LNX1: variants seen among roughly 807,000 people sequenced by gnomAD.
LNX1 encodes the protein E3 ubiquitin-protein ligase LNX.
Under a neutral mutation model 68.4 loss-of-function variants are expected in LNX1, and 54 were observed. The ratio of observed to expected loss-of-function variants is 0.79; its 90% CI spans 0.63 to 0.99. The LOEUF (loss-of-function observed/expected upper bound fraction) is 0.99. Ranked by LOEUF, LNX1 falls within the 50% of genes least tolerant of loss-of-function variation. The pLI is 0.00. For missense variants in LNX1, 906 were observed against 926.4 expected (o/e 0.98, Z 0.29); for synonymous variants, 336 against 350.0 (o/e 0.96, Z 0.45).
intron 1 of LNX1, among the ~76,000 whole-genome samples, chr4:53,626,348 T>G (rs2668519): frequency 0.33 from 50,199 of 152,026 alleles, 8,619 homozygotes; most frequent in Admixed American, 0.38. Flanking sequence ...ATATAATAAA[T>G]ATACTACAAA....
At position 53,573,613 on chromosome 4, in the gene LNX1, G is replaced by A. The variant is rs762608313; in HGVS notation, c.380+10C>T. 6.3e-7 allele frequency: 1 copy of A among 1,592,102 alleles called. No individual in the cohort carries two copies. The highest frequency in any genetic ancestry group is 1.1e-5 in the South Asian group (1 of 87,410). On this transcript the variant is annotated intron_variant, in intron 2 of 10. Transcript: ENST00000263925. ...GGTGGGACTTACCGGCTCGCTGATG[G>A]GGGACCTACCTGGTTTGAAAGTGAT...
At chr4:53,646,363 C>T (rs2109892125) in intron 1 of LNX1, among the ~76,000 whole-genome samples, 1 of 152,318 alleles carries the variant, frequency 6.6e-6, no homozygotes, top group East Asian at 1.9e-4. Flanking sequence ...GCTCCCCCAC[C>T]CCATTCTCAG....
intron 1 of LNX1, among the ~76,000 whole-genome samples, chr4:53,648,818 A>G (rs1260242510): frequency 6.6e-6 from 1 of 152,214 alleles, no homozygotes; most frequent in African/African-American, 2.4e-5. Flanking sequence ...GAACACATTC[A>G]TGGTGCAGAA....
At chr4:53,509,227 T>A (rs889926454) in intron 2 of LNX1, among the ~76,000 whole-genome samples, 2 of 152,208 alleles carry the variant, frequency 1.3e-5, no homozygotes, top group African/African-American at 4.8e-5. Flanking sequence ...AAGGCAGAAA[T>A]CATATCACGA....
intron 1 of LNX1, among the ~76,000 whole-genome samples, chr4:53,649,497 A>T (rs74880941): frequency 0.11 from 17,432 of 152,170 alleles, 1,168 homozygotes; most frequent in Non-Finnish European, 0.16. Flanking sequence ...CTTGTCCTGA[A>T]GTCTACAATC....
chr4:53,620,259 A>T (rs1203815767), upstream of LNX1, among the ~76,000 whole-genome samples: 1 of 151,982 alleles, frequency 6.6e-6, no homozygotes, highest in Non-Finnish European at 1.5e-5. Context: ...TGCATTTCTG[A>T]TATGTTCACA....
chr4:53,622,842 C>T (rs956535392), intron 1 of LNX1, among the ~76,000 whole-genome samples: 14 of 152,136 alleles, frequency 9.2e-5, no homozygotes, highest in African/African-American at 3.4e-4. Flanking sequence ...TGCCACAGGA[C>T]TTGGAAATCT....
intron 6 of LNX1, among the ~76,000 whole-genome samples, chr4:53,485,566 A>G (rs1724230295): frequency 6.6e-6 from 1 of 152,262 alleles, no homozygotes; most frequent in Admixed American, 6.5e-5. Context: ...ATTTACTTGG[A>G]AAGAAATTCT....
At chr4:53,615,129 G>T (rs745680183) in intron 2 of LNX1, among the ~76,000 whole-genome samples, 3 of 152,168 alleles carry the variant, frequency 2.0e-5, no homozygotes, top group African/African-American at 7.2e-5. Flanking sequence ...AAAATGCCAC[G>T]ATTGAAACAG....
chr4:53,588,365 A>C (rs968138691), intron 1 of LNX1, among the ~76,000 whole-genome samples: 2 of 152,130 alleles, frequency 1.3e-5, no homozygotes. Context: ...ACACATTTCA[A>C]CCCATTTCAT....
chr4:53,479,407 A>C (rs1385225653), intron 7 of LNX1, among the ~76,000 whole-genome samples: 5 of 152,180 alleles, frequency 3.3e-5, no homozygotes, highest in Admixed American at 3.3e-4. Context: ...TGAGCAAGAG[A>C]TGTTTAGTTG....
upstream of LNX1, among the ~76,000 whole-genome samples, chr4:53,594,863 C>T (rs983202735): frequency 6.6e-6 from 1 of 152,066 alleles, no homozygotes; most frequent in African/African-American, 2.4e-5. Flanking sequence ...AGGCACGTGC[C>T]ACCATGCCCT....
intron 6 of LNX1, among the ~76,000 whole-genome samples, chr4:53,484,642 T>A (rs143409896): frequency 1.2e-4 from 19 of 152,284 alleles, no homozygotes; most frequent in African/African-American, 4.6e-4. Context: ...CACTAACCAG[T>A]CCAAATCTTC....
chr4:53,634,542 G>T (rs373349111), intron 1 of LNX1, among the ~76,000 whole-genome samples: 1 of 151,932 alleles, frequency 6.6e-6, no homozygotes, highest in African/African-American at 2.4e-5. Context: ...CCGCCCCCAG[G>T]CTCAGCTCGG....
rs201301020 is a variant in LNX1, at chr4:53,507,481, C to T, written c.623-12G>A. On this transcript the variant is annotated splice_polypyrimidine_tract_variant and intron_variant, in intron 3 of 10. Transcript: ENST00000263925. ...CTCAAAGGGCCGTGCTGAGGAATAG[C>T]GACAGGAGGAACAGTAGTTATGATT... The T allele has an allele frequency of 7.4e-6, 12 of 1,612,550 alleles. No homozygotes were observed. In the East Asian group the frequency reaches 2.2e-4, roughly 30 times the overall value.
At chr4:53,489,804 A>T (rs1724559068) in intron 6 of LNX1, among the ~76,000 whole-genome samples, 1 of 152,166 alleles carries the variant, frequency 6.6e-6, no homozygotes, top group African/African-American at 2.4e-5. Context: ...TTCTATAATC[A>T]AGTCTATGTG....
chr4:53,515,490 CT>C (rs1305113451), intron 2 of LNX1, among the ~76,000 whole-genome samples: 1 of 151,274 alleles, frequency 6.6e-6, no homozygotes, highest in Non-Finnish European at 1.5e-5. Flanking sequence ...TTCCATTTCC[CT>C]GCACTTCAAT....
exon 1 of LNX1, chr4:53,617,327 A>G (rs1236766773): frequency 1.3e-5 from 2 of 152,182 alleles, no homozygotes; most frequent in Non-Finnish European, 2.9e-5. Flanking sequence ...TTCATTTTTG[A>G]AGGTCACAGC....
chr4:53,593,731 A>G (rs1319685326), upstream of LNX1: 1 of 152,054 alleles, frequency 6.6e-6, no homozygotes, highest in African/African-American at 2.4e-5. Flanking sequence ...CTAAACTACT[A>G]GAAAAAAATG....
Sources: allele counts gnomAD v4.1 joint callset (sites outside exome capture counted in the v4.1 genomes callset), GRCh38; gene constraint gnomAD v4.1.1; transcripts MANE v1.5; gene names NCBI Gene and HGNC (gene_info 2026-07-23, HGNC 2026-07-21).